Variants in ZNF284 observed in about 807,000 individuals in gnomAD.
The protein encoded by ZNF284 is zinc finger protein 284.
A neutral mutation model predicts 12.9 loss-of-function variants in ZNF284; 12 were observed. The ratio of observed to expected loss-of-function variants is 0.93; its 90% CI spans 0.60 to 1.51. The LOEUF (loss-of-function observed/expected upper bound fraction) is 1.51, where lower values mean the gene tolerates loss of function less well. Among genes scored for constraint, ZNF284 ranks in the 40% most tolerant of loss-of-function variants. The probability of loss-of-function intolerance (pLI) is 0.00; values close to 1 mark genes in which losing one functional copy is unlikely to be tolerated. For missense variants in ZNF284, 667 were observed against 707.3 expected, an observed-to-expected ratio of 0.94 and a Z score of 0.65; for synonymous variants, 225 against 236.5, an observed-to-expected ratio of 0.95 and a Z score of 0.45.
In ZNF284 at chr19:44,089,404, A is replaced by C. The variant is rs1201812220; in HGVS notation, c.*2144A>C. The C allele has an allele frequency of 6.6e-6, 1 of 152,158 alleles. No individual in the cohort carries two copies. The highest frequency in any genetic ancestry group is 1.5e-5 in the Non-Finnish European group (1 of 68,052). The allele number at this position is 152,158 out of a possible 1,614,324, so 9.4% of individuals were successfully genotyped here. A position where few individuals can be genotyped will look rare whatever the true frequency, so the allele number is the denominator to read the frequency against. On this transcript the variant is annotated 3_prime_UTR_variant, in exon 5 of 5. Coordinates refer to ENST00000421176, the MANE Select transcript of ZNF284 (RefSeq NM_001037813.4). ...ACTAAACAACAAAGAAAATCTGATG[A>C]ATTGGACAGCATAAAAATATTGGCA...
At chr19:44,085,400 A>T (rs535843106) in intron 4 of ZNF284, 1 of 201,594 alleles carries the variant, frequency 5.0e-6, no homozygotes. Context: ...CTTCTGATTC[A>T]TCACATATAT....
In ZNF284 at chr19:44,085,900, A is replaced by G. The variant is rs752419908; in HGVS notation, c.422A>G (p.His141Arg). Residue 141 changes from histidine to arginine, a missense_variant, in exon 5 of 5, where the codon CAC becomes CGC. Physicochemically the swap from His to Arg is conservative, Grantham distance 29. Coordinates refer to ENST00000421176, the MANE Select transcript of ZNF284 (RefSeq NM_001037813.4). ...GTTGACGCAGGACTATCTATAATTC[A>G]CATAGGAGAGACACCTTCTGAGCAT... ...SQVDAGLSII[H>R]IGETPSEHGK... is the part of the protein sequence containing the mutation. 3 of 1,614,202 alleles carry G rather than the reference A, an allele frequency of 1.9e-6. No homozygotes were observed. The highest frequency in any genetic ancestry group is 2.2e-5 in the South Asian group (2 of 91,088).
At chr19:44,072,881 C>T (rs1210618574) in intron 1 of ZNF284, among the ~76,000 whole-genome samples, 1 of 152,246 alleles carries the variant, frequency 6.6e-6, no homozygotes, top group East Asian at 1.9e-4. Context: ...CTTTCTCCTT[C>T]CCCAGCCTGA....
intron 1 of ZNF284, among the ~76,000 whole-genome samples, chr19:44,073,937 T>A (rs1294925946): frequency 6.6e-6 from 1 of 152,222 alleles, no homozygotes; most frequent in Non-Finnish European, 1.5e-5. Context: ...GTGTTTTCCC[T>A]TATGTGTTTA....
In ZNF284 at chr19:44,086,094, G is replaced by T. The variant is rs1382579070; in HGVS notation, c.616G>T (p.Asp206Tyr). Residue 206 changes from aspartate to tyrosine, a missense_variant, in exon 5 of 5, where the codon GAT (aspartate) becomes TAT (tyrosine). Coordinates refer to ENST00000421176, the MANE Select transcript of ZNF284 (RefSeq NM_001037813.4). ...VHMGEKRYKC[D>Y]VCSKAFSQNS... The stretch of plus-strand genomic sequence containing the variant: ...CATGGGAGAGAAACGCTATAAGTGT[G>T]ATGTGTGTAGTAAGGCATTTAGTCA... 1 of 1,614,112 alleles carries T rather than the reference G, an allele frequency of 6.2e-7. No homozygotes were observed. The highest frequency in any genetic ancestry group is 1.7e-5 in the Admixed American group (1 of 60,008).
intron 2 of ZNF284, among the ~76,000 whole-genome samples, chr19:44,078,061 A>G (rs546349074): frequency 7.9e-5 from 12 of 152,342 alleles, no homozygotes; most frequent in African/African-American, 2.9e-4. Context: ...TAAGGTGAAA[A>G]TATTTACCAC....
At position 44,086,915 on chromosome 19, in the gene ZNF284, A is replaced by T. The variant is rs752285610; in HGVS notation, c.1437A>T (p.Gly479=). The T allele has an allele frequency of 6.2e-7, 1 of 1,614,210 alleles. No individual in the cohort carries two copies. Among genetic ancestry groups the T allele is most frequent in the South Asian group, 1.1e-5 (1 of 91,088 alleles). The stretch of plus-strand genomic sequence containing the variant: ...TGAGACATAAGAGACTCCATACTGG[A>T]GAAAAACCATTCAAATGTGAAGAGT... ...GILRHKRLHT[G]EKPFKCEECG... Residue 479 remains glycine (G), a synonymous_variant, in exon 5 of 5, where the codon GGA becomes GGT. Coordinates refer to ENST00000421176, the MANE Select transcript of ZNF284 (RefSeq NM_001037813.4).
At chr19:44,081,540 T>C (rs990743125) in intron 3 of ZNF284, among the ~76,000 whole-genome samples, 1 of 151,308 alleles carries the variant, frequency 6.6e-6, no homozygotes, top group Non-Finnish European at 1.5e-5. Flanking sequence ...TGAAACCCCG[T>C]CTCTACTAAA....
rs1271894890 is a variant in ZNF284 at position 44,086,052 on chromosome 19, C to T, written c.574C>T (p.Leu192Phe). Reference protein sequence around the residue: ...KRFCYSSALCLHQKVHMGEKR... With the variant: ...KRFCYSSALCFHQKVHMGEKR... ...ATTCTGTTATAGCTCAGCTCTTTGT[C>T]TTCATCAGAAAGTTCACATGGGAGA... Residue 192 changes from leucine to phenylalanine, a missense_variant, in exon 5 of 5, where the codon CTT (leucine) becomes TTT (phenylalanine). By Grantham distance (22) the Leu-to-Phe change is conservative. Transcript: ENST00000421176. 1 of 1,614,166 alleles carries T rather than the reference C, an allele frequency of 6.2e-7. No individual in the cohort carries two copies. Among genetic ancestry groups the T allele is most frequent in the Non-Finnish European group, 8.5e-7 (1 of 1,180,026 alleles).
chr19:44,080,746 T>C (rs750272682), intron 2 of ZNF284, among the ~76,000 whole-genome samples: 54 of 152,210 alleles, frequency 3.5e-4, no homozygotes, highest in Non-Finnish European at 6.2e-4. Context: ...ATGCTGCATT[T>C]AGAGTCCTAG....
Position 44,081,036 on chromosome 19 carries a change from G to A in ZNF284, c.37G>A (p.Val13Met), listed in dbSNP as rs1366213816. 1 of 1,612,632 alleles carries A rather than the reference G, an allele frequency of 6.2e-7. No individual in the cohort carries two copies. The highest frequency in any genetic ancestry group is 2.2e-5 in the East Asian group (1 of 44,828). ...MFKEAVTFKD[V>M]AVVFTEEELG... is the part of the protein sequence containing the mutation. ...GTAGGAGGCAGTGACCTTCAAGGAT[G>A]TGGCTGTGGTCTTCACCGAGGAGGA... is the stretch of plus-strand genomic sequence containing the variant. Residue 13 changes from valine (V) to methionine (M), a missense_variant, in exon 3 of 5, where the codon GTG becomes ATG. Transcript: ENST00000421176.
chr19:44,084,300 C>T (rs1054297146), intron 4 of ZNF284, among the ~76,000 whole-genome samples: 1 of 152,202 alleles, frequency 6.6e-6, no homozygotes, highest in Non-Finnish European at 1.5e-5. Context: ...CAGGGTAGAG[C>T]AATCCCCAGG....
chr19:44,073,555 T>C (rs954337062), intron 1 of ZNF284, among the ~76,000 whole-genome samples: 1 of 151,970 alleles, frequency 6.6e-6, no homozygotes, highest in African/African-American at 2.4e-5. Context: ...ATTTTTTTTT[T>C]TTTTTTGAGA....
At chr19:44,075,425 C>T (rs1021542239) in intron 1 of ZNF284, among the ~76,000 whole-genome samples, 3 of 152,148 alleles carry the variant, frequency 2.0e-5, no homozygotes, top group Admixed American at 1.3e-4. Flanking sequence ...GGCAGGGATA[C>T]CATAGTAGTG....
In ZNF284 at chr19:44,080,944, C is replaced by G; in HGVS notation, c.16-71C>G. 4 of 1,547,522 alleles carry G rather than the reference C, an allele frequency of 2.6e-6. No homozygotes were observed. In the South Asian group the frequency reaches 4.7e-5, roughly 18 times the overall value. Reference sequence around the variant, plus strand: ...GCAACTTCTCACCCATCCCCTTCACCTGCTCATTGCCACCCTTCTCCCAGG... The same window carrying G: ...GCAACTTCTCACCCATCCCCTTCACGTGCTCATTGCCACCCTTCTCCCAGG... On this transcript the variant is annotated intron_variant, in intron 2 of 4. Transcript: ENST00000421176.
Position 44,086,463 on chromosome 19 carries a change from G to C in ZNF284, c.985G>C (p.Ala329Pro). Residue 329 changes from alanine to proline, a missense_variant, in exon 5 of 5, where the codon GCA becomes CCA. Physicochemically the swap from Ala to Pro is conservative, Grantham distance 27. Coordinates refer to ENST00000421176, the MANE Select transcript of ZNF284 (RefSeq NM_001037813.4). Reference protein sequence around the residue: ...TCSNSFGQRSALNSHCMDHTK... With the variant: ...TCSNSFGQRSPLNSHCMDHTK... ...TAGTAATAGCTTTGGTCAGAGATCA[G>C]CACTTAATAGTCATTGCATGGACCA... 1 of 1,614,146 alleles carries C rather than the reference G, an allele frequency of 6.2e-7. No individual in the cohort carries two copies. The highest frequency in any genetic ancestry group is 8.5e-7 in the Non-Finnish European group (1 of 1,180,032).
chr19:44,077,722 G>A (rs185089365), intron 2 of ZNF284, among the ~76,000 whole-genome samples: 3 of 152,130 alleles, frequency 2.0e-5, no homozygotes, highest in Non-Finnish European at 2.9e-5. Context: ...ACCTGCTGAG[G>A]TTCAGAGAGG....
At position 44,087,875 on chromosome 19, in the gene ZNF284, CT is replaced by C. The variant is rs71171209; in HGVS notation, c.*617del. 151,127 of 151,132 alleles carry C rather than the reference CT, an allele frequency of 1. 75,561 individuals carry two copies. The highest frequency in any genetic ancestry group is 1 in the Non-Finnish European group (68,146 of 68,146). The allele number at this position is 151,132 out of a possible 1,614,324, so 9.4% of individuals were successfully genotyped here. On this transcript the variant is annotated 3_prime_UTR_variant, in exon 5 of 5. Coordinates refer to ENST00000421176, the MANE Select transcript of ZNF284 (RefSeq NM_001037813.4). ...CTCTGCCTCCTGGGTTCAAACGATT[CT>C]TCCCTGCCTTGGCCTCCCGAGTAGC...
In ZNF284 at chr19:44,087,324, A is replaced by G; in HGVS notation, c.*64A>G. 1 of 1,190,422 alleles carries G rather than the reference A, an allele frequency of 8.4e-7. No individual in the cohort carries two copies. Among genetic ancestry groups the G allele is most frequent in the Non-Finnish European group, 1.1e-6 (1 of 876,890 alleles). The allele number at this position is 1,190,422 out of a possible 1,614,324, so 73.7% of individuals were successfully genotyped here. On this transcript the variant is annotated 3_prime_UTR_variant, in exon 5 of 5. Transcript: ENST00000421176. ...CATGTATACAATGTATAATGATCAA[A>G]TCAGTGTTATTAGCATATCCATCAC...
Sources: gnomAD v4.1 joint callset for allele counts (sites outside exome capture counted in the v4.1 genomes callset) on GRCh38, gnomAD v4.1.1 for gene constraint, MANE v1.5 for transcripts, NCBI Gene and HGNC (gene_info 2026-07-23, HGNC 2026-07-21) for gene names.